Variants in LINGO2 observed in about 807,000 individuals in gnomAD.
LINGO2 encodes the protein leucine rich repeat and Ig domain containing 2.
A neutral mutation model predicts 30.6 loss-of-function variants in LINGO2; 14 were observed. That is an observed-to-expected ratio of 0.46 (90% CI 0.30 to 0.72). The LOEUF (loss-of-function observed/expected upper bound fraction) is 0.72, where lower values mean the gene tolerates loss of function less well. LINGO2 is among the 30% of genes least tolerant of loss of function. The pLI is 0.07. For synonymous variants in LINGO2, 317 were observed against 288.5 expected, an observed-to-expected ratio of 1.10 and a Z score of -1.00; for missense variants, 729 against 751.7, an observed-to-expected ratio of 0.97 and a Z score of 0.35.
chr9:28,245,000 A>G (rs1019871134), intron 4 of LINGO2, among the ~76,000 whole-genome samples: 1 of 152,072 alleles, frequency 6.6e-6, no homozygotes, highest in South Asian at 2.1e-4. Flanking sequence ...GAGACACAAC[A>G]AAAAAAGAAA....
rs76787714 is a variant in LINGO2 at position 28,399,434 on chromosome 9, T to G, written c.-278-26566A>C. Among the ~76,000 whole-genome samples the G allele has an allele frequency of 3.9e-5, 6 of 152,306 alleles. No homozygotes were observed. In the East Asian group the frequency reaches 1.2e-3, roughly 29 times the overall value. ...CTGATTACATAAATTATGACCCTTGTAATAATTTGTAGATTTACATGTAAA... is the reference window on the plus strand; with the variant it reads ...CTGATTACATAAATTATGACCCTTGGAATAATTTGTAGATTTACATGTAAA... On this transcript the variant is annotated intron_variant, in intron 2 of 5. Transcript: ENST00000379992.
chr9:28,766,511 A>T, the LINGO2 span, among the ~76,000 whole-genome samples: 8 of 152,020 alleles, frequency 5.3e-5, no homozygotes, highest in Non-Finnish European at 7.4e-5. Flanking sequence ...TATGAAAAAT[A>T]ATATAAAGAT....
chr9:28,897,283 G>A, the LINGO2 span, among the ~76,000 whole-genome samples: 1 of 152,082 alleles, frequency 6.6e-6, no homozygotes, highest in Non-Finnish European at 1.5e-5. Context: ...ATAAATCTGG[G>A]CTTTTGGGGA....
chr9:29,051,302 C>T, the LINGO2 span, among the ~76,000 whole-genome samples: 12 of 152,252 alleles, frequency 7.9e-5, no homozygotes, highest in South Asian at 2.5e-3. Flanking sequence ...CTGTTCATTG[C>T]TCCCTCCCCA....
chr9:28,480,112 G>C (rs1825901890), intron 1 of LINGO2, among the ~76,000 whole-genome samples: 1 of 151,016 alleles, frequency 6.6e-6, no homozygotes, highest in East Asian at 1.9e-4. Flanking sequence ...AATCATTGTA[G>C]GTCAATAATG....
At chr9:28,387,615 C>T (rs1564167860) in intron 2 of LINGO2, among the ~76,000 whole-genome samples, 1 of 152,212 alleles carries the variant, frequency 6.6e-6, no homozygotes, top group Non-Finnish European at 1.5e-5. Flanking sequence ...CATCTTCATT[C>T]CTGAAGTCTG....
At chr9:29,022,082 A>G in the LINGO2 span, among the ~76,000 whole-genome samples, 2 of 152,164 alleles carry the variant, frequency 1.3e-5, no homozygotes, top group African/African-American at 4.8e-5. Flanking sequence ...TTAAATTACT[A>G]ATAATTCTGC....
At chr9:29,143,199 G>A in the LINGO2 span, among the ~76,000 whole-genome samples, 2 of 152,078 alleles carry the variant, frequency 1.3e-5, no homozygotes, top group Non-Finnish European at 2.9e-5. Context: ...CACATCTAGT[G>A]TTTATGGATG....
At chr9:28,361,651 C>T (rs1416431318) in intron 3 of LINGO2, among the ~76,000 whole-genome samples, 1 of 144,640 alleles carries the variant, frequency 6.9e-6, no homozygotes, top group South Asian at 2.2e-4. Context: ...GATTTTTGAA[C>T]AAAAAAAAAA....
At chr9:28,173,798 T>A (rs545922518) in intron 4 of LINGO2, among the ~76,000 whole-genome samples, 1 of 152,340 alleles carries the variant, frequency 6.6e-6, no homozygotes, top group African/African-American at 2.4e-5. Context: ...ATATGTACTG[T>A]GCCTGTTAGG....
chr9:28,496,326 T>A (rs1819627430), intron 1 of LINGO2, among the ~76,000 whole-genome samples: 2 of 152,120 alleles, frequency 1.3e-5, no homozygotes, highest in African/African-American at 4.8e-5. Flanking sequence ...AGGACTTGCT[T>A]TATGAATCTG....
chr9:28,884,381 C>A, the LINGO2 span, among the ~76,000 whole-genome samples: 3 of 152,216 alleles, frequency 2.0e-5, no homozygotes, highest in Non-Finnish European at 2.9e-5. Context: ...TTCTTCTGAT[C>A]AGCACGAAAT....
the LINGO2 span, among the ~76,000 whole-genome samples, chr9:29,201,603 G>A: frequency 4.1e-5 from 5 of 122,578 alleles, no homozygotes; most frequent in Non-Finnish European, 7.2e-5. Flanking sequence ...TAAAAAGGCA[G>A]GGAAAATCCA....
chr9:28,462,237 T>C (rs1435491583), intron 2 of LINGO2, among the ~76,000 whole-genome samples: 1 of 152,022 alleles, frequency 6.6e-6, no homozygotes, highest in African/African-American at 2.4e-5. Flanking sequence ...TAATTGTTAG[T>C]AACTGTTGCA....
Position 28,447,812 on chromosome 9 carries a change from C to A in LINGO2, c.-279+28128G>T, listed in dbSNP as rs537513032. Among the ~76,000 whole-genome samples the A allele has an allele frequency of 5.3e-5, 8 of 152,256 alleles. No homozygotes were observed. In the South Asian group the frequency reaches 6.2e-4, roughly 12 times the overall value. On this transcript the variant is annotated intron_variant, in intron 2 of 5. Coordinates refer to ENST00000379992, the Ensembl canonical transcript of LINGO2. ...ACATTACTTGCTTGATATAGGAACTCATCTCTTTTTATTGTGATGCACTGG... is the reference window on the plus strand; with the variant it reads ...ACATTACTTGCTTGATATAGGAACTAATCTCTTTTTATTGTGATGCACTGG...
intron 4 of LINGO2, among the ~76,000 whole-genome samples, chr9:28,157,947 C>G (rs114122904): frequency 0.014 from 2,076 of 152,304 alleles, 36 homozygotes; most frequent in African/African-American, 0.041. Flanking sequence ...GAGTTCCAAA[C>G]TTCCCTACAT....
the LINGO2 span, among the ~76,000 whole-genome samples, chr9:29,038,222 A>G: frequency 6.6e-6 from 1 of 152,080 alleles, no homozygotes; most frequent in African/African-American, 2.4e-5. Flanking sequence ...TGTATCGGTT[A>G]TACTCCCACC....
the LINGO2 span, among the ~76,000 whole-genome samples, chr9:29,046,662 C>A: frequency 2.6e-5 from 4 of 152,002 alleles, no homozygotes; most frequent in African/African-American, 7.2e-5. Context: ...CTAGGAAATA[C>A]CATCCTGGAC....
intron 4 of LINGO2, among the ~76,000 whole-genome samples, chr9:28,140,605 C>T (rs1320154477): frequency 2.6e-5 from 4 of 152,312 alleles, no homozygotes; most frequent in Non-Finnish European, 4.4e-5. Context: ...CAAATTCCTA[C>T]GCATGCCTTA....
Sources: allele counts gnomAD v4.1 joint callset (sites outside exome capture counted in the v4.1 genomes callset), GRCh38; gene constraint gnomAD v4.1.1; transcripts MANE v1.5; gene names NCBI Gene and HGNC (gene_info 2026-07-23, HGNC 2026-07-21).